The following CDK5RAP2 variants were observed in gnomAD, a reference collection of about 807,000 sequenced individuals.
CDK5RAP2 encodes CDK5 regulatory subunit associated protein 2, also known as CDK5 regulatory subunit-associated protein 2.
CDK5RAP2 carries 147 observed loss-of-function variants against 232.9 expected under a neutral mutation model. The observed-to-expected ratio is 0.63, with a 90% CI of 0.55 to 0.72. CDK5RAP2 has a LOEUF of 0.72. Among genes scored for constraint, CDK5RAP2 ranks in the 30% least tolerant of loss-of-function variants. The pLI is 0.00. For missense variants in CDK5RAP2, 2,195 were observed against 2,231.5 expected (o/e 0.98, Z 0.33); for synonymous variants, 833 against 833.7 (o/e 1.00, Z 0.01).
chr9:120,550,698 ATACT>A (rs2042010659), intron 4 of CDK5RAP2, 90 bp downstream of exon 4: 1 of 813,618 alleles, frequency 1.2e-6, no homozygotes, highest in East Asian at 2.4e-5. Flanking sequence ...ATCTCTATTC[ATACT>A]AACTCTAAGA....
chr9:120,413,834 GGGA>G (rs1264239816), intron 28 of CDK5RAP2, among the ~76,000 whole-genome samples: 120 of 148,954 alleles, frequency 8.1e-4, no homozygotes, highest in African/African-American at 2.6e-3. Context: ...GGAGGGAGGA[GGGA>G]GGAGGGAAGG....
intron 12 of CDK5RAP2, among the ~76,000 whole-genome samples, chr9:120,507,516 T>C (rs1426672102): frequency 6.6e-6 from 1 of 152,128 alleles, no homozygotes; most frequent in Non-Finnish European, 1.5e-5. Flanking sequence ...CCAAACCTGG[T>C]TGGATATCAG....
intron 3 of CDK5RAP2, among the ~76,000 whole-genome samples, chr9:120,556,676 G>C (rs887806782): frequency 7.9e-5 from 12 of 151,994 alleles, no homozygotes; most frequent in Non-Finnish European, 1.5e-4. Context: ...CGATCCACTC[G>C]CCTCAGCCTC....
chr9:120,471,397 G>A (rs2037693572), intron 16 of CDK5RAP2, among the ~76,000 whole-genome samples: 2 of 152,162 alleles, frequency 1.3e-5, no homozygotes, highest in Non-Finnish European at 2.9e-5. Flanking sequence ...TCTGCAATAG[G>A]TGCTGTGGTA....
chr9:120,424,512 C>T (rs1361557282), intron 25 of CDK5RAP2, among the ~76,000 whole-genome samples: 1 of 152,116 alleles, frequency 6.6e-6, no homozygotes, highest in Admixed American at 6.6e-5. Flanking sequence ...AAAAGAACAG[C>T]TTAGTCAACA....
chr9:120,510,409 C>A (rs1421333266), intron 12 of CDK5RAP2, among the ~76,000 whole-genome samples: 2 of 152,144 alleles, frequency 1.3e-5, no homozygotes, highest in Non-Finnish European at 2.9e-5. Context: ...ATGGCCAAGG[C>A]AATGTCTAAT....
chr9:120,529,748 G>A (rs868146712), intron 8 of CDK5RAP2, among the ~76,000 whole-genome samples: 4 of 152,202 alleles, frequency 2.6e-5, no homozygotes, highest in African/African-American at 7.2e-5. Flanking sequence ...AGGTAAGCAG[G>A]TAGGGACTGG....
At position 120,411,555 on chromosome 9, in the gene CDK5RAP2, A is replaced by T. The variant is rs1414112170; in HGVS notation, c.4298-81T>A. On this transcript the variant is annotated intron_variant, in intron 28 of 37. Transcript: ENST00000349780. ...AGAACTTTCTAGAAAGCAGTTTTAAACAAAGAGTTAACACAACATACAATG... is the reference window on the plus strand; with the variant it reads ...AGAACTTTCTAGAAAGCAGTTTTAATCAAAGAGTTAACACAACATACAATG... The T allele has an allele frequency of 3.8e-6, 3 of 789,132 alleles. No individual in the cohort carries two copies. In the East Asian group the frequency reaches 7.3e-5, roughly 19 times the overall value. 48.9% of individuals were successfully genotyped at this position (789,132 alleles called of 1,614,324 possible).
intron 11 of CDK5RAP2, 151 bp downstream of exon 11, chr9:120,524,835 T>C (rs2040828495): frequency 6.3e-6 from 4 of 632,982 alleles, no homozygotes; most frequent in Non-Finnish European, 2.9e-6. Context: ...TGGTAGAGAA[T>C]TTCCCTTTAA....
At chr9:120,517,806 TC>T in intron 12 of CDK5RAP2, 1 of 326,138 alleles carries the variant, frequency 3.1e-6, no homozygotes, top group Non-Finnish European at 6.1e-6. Context: ...GTGCCTATAA[TC>T]CCAGCTACTC....
intron 12 of CDK5RAP2, among the ~76,000 whole-genome samples, chr9:120,518,202 T>TGA: frequency 9.2e-6 from 1 of 108,228 alleles, no homozygotes; most frequent in African/African-American, 4.0e-5. Context: ...TGTGTGTGTG[T>TGA]GTGTGTGTGA....
intron 12 of CDK5RAP2, among the ~76,000 whole-genome samples, chr9:120,498,194 C>A (rs1428081245): frequency 6.6e-6 from 1 of 152,194 alleles, no homozygotes; most frequent in Non-Finnish European, 1.5e-5. Context: ...GTCTGGGCTT[C>A]CAGAGCTCCA....
intron 12 of CDK5RAP2, among the ~76,000 whole-genome samples, chr9:120,511,596 C>CT (rs932568985): frequency 4.6e-5 from 7 of 152,190 alleles, no homozygotes; most frequent in African/African-American, 1.7e-4. Context: ...CCAGCAAAAG[C>CT]TGTCCTTTTA....
At chr9:120,496,772 C>T (rs1404108918) in intron 12 of CDK5RAP2, among the ~76,000 whole-genome samples, 4 of 128,708 alleles carry the variant, frequency 3.1e-5, no homozygotes, top group Non-Finnish European at 4.8e-5. Context: ...GCCGCCCCGT[C>T]CAGGAGGGAG....
intron 21 of CDK5RAP2, among the ~76,000 whole-genome samples, chr9:120,451,370 A>T (rs2036470709): frequency 6.6e-6 from 1 of 152,222 alleles, no homozygotes; most frequent in African/African-American, 2.4e-5. Context: ...ATGCAAACAC[A>T]TGTATATCAG....
intron 21 of CDK5RAP2, among the ~76,000 whole-genome samples, chr9:120,452,103 A>G (rs1018175200): frequency 2.0e-4 from 30 of 152,194 alleles, no homozygotes; most frequent in Admixed American, 1.6e-3. Flanking sequence ...TTCAAACAAA[A>G]AAAACAAACA....
chr9:120,496,619 C>T (rs1588486468), intron 12 of CDK5RAP2, among the ~76,000 whole-genome samples: 1 of 149,972 alleles, frequency 6.7e-6, no homozygotes, highest in African/African-American at 2.5e-5. Context: ...GGCGCCTCTG[C>T]CCGGCCGCCC....
intron 24 of CDK5RAP2, 115 bp downstream of exon 24, chr9:120,439,284 G>T: frequency 1.0e-6 from 1 of 968,232 alleles, no homozygotes; most frequent in Non-Finnish European, 1.6e-6. Context: ...GCCTTCCCCA[G>T]AACACACTCT....
At chr9:120,489,712 T>G (rs1474435481) in intron 13 of CDK5RAP2, among the ~76,000 whole-genome samples, 3 of 152,168 alleles carry the variant, frequency 2.0e-5, no homozygotes, top group Non-Finnish European at 4.4e-5. Flanking sequence ...AGCCCTGAAA[T>G]GTTTGGATTT....
Sources: gnomAD v4.1 joint callset for allele counts (sites outside exome capture counted in the v4.1 genomes callset) on GRCh38, gnomAD v4.1.1 for gene constraint, MANE v1.5 for transcripts, NCBI Gene and HGNC (gene_info 2026-07-23, HGNC 2026-07-21) for gene names.